The following FOXP1 variants were observed in gnomAD, a reference collection of about 807,000 sequenced individuals.
The protein encoded by FOXP1 is forkhead box P1.
In FOXP1, 15 loss-of-function variants were observed where a neutral mutation model predicts 98.2. The ratio of observed to expected loss-of-function variants is 0.15; its 90% CI spans 0.10 to 0.24. The LOEUF (loss-of-function observed/expected upper bound fraction) is 0.24. Ranked by LOEUF, FOXP1 falls within the 10% of genes least tolerant of loss-of-function variation. The pLI, the probability that FOXP1 is intolerant of heterozygous loss-of-function variation, is 1.00. For synonymous variants in FOXP1, 371 were observed against 314.5 expected (o/e 1.18, Z -1.90); for missense variants, 633 against 848.5 (o/e 0.75, Z 3.15).
intron 13 of FOXP1, among the ~76,000 whole-genome samples, chr3:70,998,034 C>T (rs993732607): frequency 8.5e-5 from 13 of 152,270 alleles, no homozygotes; most frequent in Admixed American, 8.5e-4. Context: ...TACACCCTGG[C>T]TAAGAAGAAA....
chr3:71,241,239 A>C (rs906372364), intron 5 of FOXP1, among the ~76,000 whole-genome samples: 1 of 141,376 alleles, frequency 7.1e-6, no homozygotes, highest in East Asian at 2.1e-4. Flanking sequence ...AAACAAAAAA[A>C]CAAAAAAAAA....
chr3:71,051,825 C>T (rs1236198190), intron 9 of FOXP1, among the ~76,000 whole-genome samples: 1 of 152,102 alleles, frequency 6.6e-6, no homozygotes, highest in Non-Finnish European at 1.5e-5. Flanking sequence ...GAAAGAAAGG[C>T]CTTATCATTT....
At chr3:71,522,394 A>G (rs899937484) in intron 2 of FOXP1, among the ~76,000 whole-genome samples, 3 of 152,334 alleles carry the variant, frequency 2.0e-5, no homozygotes, top group African/African-American at 7.2e-5. Context: ...AGAAGATAGG[A>G]AATTGGGGCA....
chr3:71,449,633 G>C (rs1220926637), intron 3 of FOXP1, among the ~76,000 whole-genome samples: 1 of 152,106 alleles, frequency 6.6e-6, no homozygotes, highest in Non-Finnish European at 1.5e-5. Context: ...CATACAAACA[G>C]GGATTAATTC....
chr3:71,127,585 C>T (rs143666769), intron 6 of FOXP1, among the ~76,000 whole-genome samples: 2 of 152,234 alleles, frequency 1.3e-5, no homozygotes, highest in African/African-American at 4.8e-5. Context: ...AAAACACTTT[C>T]TCATGAGACT....
intron 7 of FOXP1, among the ~76,000 whole-genome samples, chr3:71,060,321 A>G (rs2051302237): frequency 6.6e-6 from 1 of 152,068 alleles, no homozygotes; most frequent in African/African-American, 2.4e-5. Context: ...CTTATACATC[A>G]CAGTTAAGCT....
chr3:71,160,492 C>T (rs1383081719), intron 6 of FOXP1, among the ~76,000 whole-genome samples: 1 of 152,208 alleles, frequency 6.6e-6, no homozygotes, highest in Non-Finnish European at 1.5e-5. Flanking sequence ...TGATAAACCA[C>T]TGTTGGCGTT....
At chr3:71,536,046 G>A (rs961040008) in intron 2 of FOXP1, among the ~76,000 whole-genome samples, 1 of 152,142 alleles carries the variant, frequency 6.6e-6, no homozygotes, top group African/African-American at 2.4e-5. Flanking sequence ...CAGTTGCCTT[G>A]AGGTAGTCTG....
intron 7 of FOXP1, among the ~76,000 whole-genome samples, chr3:71,092,982 C>T (rs890971682): frequency 6.6e-6 from 1 of 152,164 alleles, no homozygotes; most frequent in Non-Finnish European, 1.5e-5. Context: ...CAAAAAAGCT[C>T]AGGCGTGGTG....
intron 5 of FOXP1, among the ~76,000 whole-genome samples, chr3:71,277,194 G>C (rs928303015): frequency 6.6e-6 from 1 of 151,086 alleles, no homozygotes; most frequent in African/African-American, 2.4e-5. Flanking sequence ...TCCTGACCTC[G>C]TGATCTGCCC....
At chr3:71,257,251 T>C (rs554370946) in intron 5 of FOXP1, among the ~76,000 whole-genome samples, 7 of 152,246 alleles carry the variant, frequency 4.6e-5, no homozygotes, top group African/African-American at 1.7e-4. Context: ...TCTTACTAGT[T>C]CTTTGCAACA....
intron 13 of FOXP1, among the ~76,000 whole-genome samples, chr3:70,990,999 A>G (rs763791665): frequency 1.3e-5 from 2 of 152,132 alleles, no homozygotes; most frequent in Non-Finnish European, 2.9e-5. Context: ...GGTCTTGCAC[A>G]TAACAAGCTT....
In FOXP1 at chr3:71,299,208, G is replaced by A. The variant is rs1413158015; in HGVS notation, c.-12+612C>T. Among the ~76,000 whole-genome samples, 4 of 152,254 alleles carry A rather than the reference G, an allele frequency of 2.6e-5. No individual in the cohort carries two copies. In the East Asian group the frequency reaches 7.7e-4, roughly 29 times the overall value. On this transcript the variant is annotated intron_variant, in intron 5 of 20. Transcript: ENST00000649528. ...ATTAAATTTGGCTTTAATTCATTAA[G>A]CTACTTTAGTCTCTCTGAAAACTTC...
At chr3:70,979,411 C>T (rs2038387373) in intron 14 of FOXP1, among the ~76,000 whole-genome samples, 1 of 151,018 alleles carries the variant, frequency 6.6e-6, no homozygotes. Context: ...AGGCATAACC[C>T]TTCCCCAAAA....
intron 2 of FOXP1, among the ~76,000 whole-genome samples, chr3:71,535,250 C>T (rs1578062360): frequency 1.3e-5 from 2 of 152,136 alleles, no homozygotes; most frequent in South Asian, 2.1e-4. Context: ...CAATTTTCAT[C>T]TCATATGCTA....
At chr3:71,145,289 G>A (rs200163741) in intron 6 of FOXP1, among the ~76,000 whole-genome samples, 34 of 151,580 alleles carry the variant, frequency 2.2e-4, no homozygotes, top group Non-Finnish European at 4.3e-4. Flanking sequence ...GTAATCCCAG[G>A]ACTTTGGGAG....
chr3:71,410,341 A>G (rs1468696434), intron 3 of FOXP1, among the ~76,000 whole-genome samples: 2 of 152,232 alleles, frequency 1.3e-5, no homozygotes, highest in African/African-American at 2.4e-5. Context: ...TTTAAGTTAA[A>G]AAGTCTGTTT....
intron 6 of FOXP1, among the ~76,000 whole-genome samples, chr3:71,122,502 G>C (rs2058849703): frequency 6.6e-6 from 1 of 152,154 alleles, no homozygotes; most frequent in South Asian, 2.1e-4. Flanking sequence ...GATTGTATCT[G>C]TATAACAATT....
intron 4 of FOXP1, among the ~76,000 whole-genome samples, chr3:71,306,856 A>G (rs911960668): frequency 2.0e-5 from 3 of 152,190 alleles, no homozygotes; most frequent in Admixed American, 6.5e-5. Flanking sequence ...TAACATAATT[A>G]CAGTCAACAA....
Sources: gnomAD v4.1 joint callset for allele counts (sites outside exome capture counted in the v4.1 genomes callset) on GRCh38, gnomAD v4.1.1 for gene constraint, MANE v1.5 for transcripts, NCBI Gene and HGNC (gene_info 2026-07-23, HGNC 2026-07-21) for gene names.